The following PTCHD4 variants were observed in gnomAD, a reference collection of about 807,000 sequenced individuals.
PTCHD4 encodes patched domain containing 4.
In PTCHD4, 33 loss-of-function variants were observed where a neutral mutation model predicts 58.1. The observed-to-expected ratio is 0.57, with a 90% CI of 0.43 to 0.76. PTCHD4 has a LOEUF of 0.76. PTCHD4 is among the 30% of genes least tolerant of loss of function. The pLI, the probability that PTCHD4 is intolerant of heterozygous loss-of-function variation, is 0.00. For missense variants in PTCHD4, 1,058 were observed against 1,027.1 expected, an observed-to-expected ratio of 1.03 and a Z score of -0.41; for synonymous variants, 478 against 409.6, an observed-to-expected ratio of 1.17 and a Z score of -2.02.
At chr6:48,005,091 T>TA (rs1427615315) in intron 4 of PTCHD4, among the ~76,000 whole-genome samples, 3 of 152,150 alleles carry the variant, frequency 2.0e-5, no homozygotes, top group African/African-American at 7.2e-5. Flanking sequence ...GTCACTGGCT[T>TA]AAAAAATGTG....
intron 4 of PTCHD4, among the ~76,000 whole-genome samples, chr6:47,939,509 G>A (rs1455304240): frequency 3.9e-5 from 6 of 152,044 alleles, no homozygotes; most frequent in Non-Finnish European, 7.3e-5. Context: ...ATGAGGTGTT[G>A]TGGAAATCAT....
At chr6:48,097,312 G>A (rs1765494284) in intron 1 of PTCHD4, among the ~76,000 whole-genome samples, 1 of 152,102 alleles carries the variant, frequency 6.6e-6, no homozygotes, top group African/African-American at 2.4e-5. Context: ...GTATATGACA[G>A]ATATAATGCT....
chr6:47,895,209 A>C (rs1047897181), intron 4 of PTCHD4, among the ~76,000 whole-genome samples: 1 of 152,196 alleles, frequency 6.6e-6, no homozygotes, highest in African/African-American at 2.4e-5. Flanking sequence ...ATGATAAAAT[A>C]GCTAACTGGA....
At chr6:48,077,882 C>T (rs1314104755) in intron 1 of PTCHD4, among the ~76,000 whole-genome samples, 1 of 151,964 alleles carries the variant, frequency 6.6e-6, no homozygotes. Context: ...ACAATAGTAC[C>T]ATCAAAGACC....
intron 3 of PTCHD4, among the ~76,000 whole-genome samples, chr6:48,024,388 A>T (rs916640049): frequency 6.6e-6 from 1 of 152,156 alleles, no homozygotes; most frequent in Non-Finnish European, 1.5e-5. Flanking sequence ...TCCACTCTCA[A>T]CACGACCTAG....
Position 48,068,706 on chromosome 6 carries a change from G to A in PTCHD4, c.6-65C>T. ...CCCGTTCTCCCCCATCCCACCCCCT[G>A]GGGCCAGTCCCCCCTCCCCACCGCC... is the stretch of plus-strand genomic sequence containing the variant. On this transcript the variant is annotated intron_variant, in intron 2 of 4. Transcript: ENST00000339488. This position sits in a 1 kb window ranked among gnomAD's most constrained non-coding sequence, Gnocchi z 4.2. The A allele has an allele frequency of 1.5e-6, 2 of 1,374,056 alleles. No homozygotes were observed. Among genetic ancestry groups the A allele is most frequent in the Admixed American group, 5.4e-5 (2 of 37,352 alleles). 85.1% of individuals were successfully genotyped at this position (1,374,056 alleles called of 1,614,324 possible). A position where few individuals can be genotyped will look rare whatever the true frequency, so the allele number is the denominator to read the frequency against.
chr6:47,954,547 G>A (rs528314026), intron 4 of PTCHD4, among the ~76,000 whole-genome samples: 65 of 152,260 alleles, frequency 4.3e-4, no homozygotes, highest in Non-Finnish European at 7.4e-4. Flanking sequence ...AGTGATAGAT[G>A]GACATGAACA....
intron 4 of PTCHD4, among the ~76,000 whole-genome samples, chr6:47,994,438 C>G (rs1561995776): frequency 6.6e-6 from 1 of 152,136 alleles, no homozygotes; most frequent in Non-Finnish European, 1.5e-5. Flanking sequence ...AAGTCTTGAC[C>G]TTTTAATGAA....
At chr6:47,945,150 A>C (rs1285072912) in intron 4 of PTCHD4, among the ~76,000 whole-genome samples, 3 of 152,082 alleles carry the variant, frequency 2.0e-5, no homozygotes, top group African/African-American at 7.2e-5. Flanking sequence ...TTTTACTATA[A>C]TCATTAGGTA....
chr6:48,007,619 T>G (rs1441765996), intron 4 of PTCHD4, among the ~76,000 whole-genome samples: 1 of 152,218 alleles, frequency 6.6e-6, no homozygotes, highest in Non-Finnish European at 1.5e-5. Context: ...AATTGTCTGT[T>G]TTCCTCATAG....
At chr6:47,967,550 G>C (rs1402028078) in intron 4 of PTCHD4, among the ~76,000 whole-genome samples, 2 of 152,188 alleles carry the variant, frequency 1.3e-5, no homozygotes, top group Admixed American at 6.5e-5. Context: ...AGCTATGAAA[G>C]TCCTAGATGG....
chr6:47,907,150 GT>G, intron 4 of PTCHD4, among the ~76,000 whole-genome samples: 1 of 152,270 alleles, frequency 6.6e-6, no homozygotes. Flanking sequence ...GTGGGAAGGG[GT>G]TTTGGAAATG....
chr6:47,982,680 G>A (rs1767929064), intron 4 of PTCHD4, among the ~76,000 whole-genome samples: 1 of 151,904 alleles, frequency 6.6e-6, no homozygotes, highest in African/African-American at 2.4e-5. Flanking sequence ...GTAGAGACGG[G>A]GTTTCACCGT....
chr6:48,108,986 A>T (rs975181341), intron 1 of PTCHD4, among the ~76,000 whole-genome samples: 1 of 152,164 alleles, frequency 6.6e-6, no homozygotes, highest in African/African-American at 2.4e-5. Flanking sequence ...AGATAACATT[A>T]TGTGCAAATT....
intron 1 of PTCHD4, among the ~76,000 whole-genome samples, chr6:48,091,193 T>C (rs908863216): frequency 6.6e-6 from 1 of 152,090 alleles, no homozygotes; most frequent in African/African-American, 2.4e-5. Context: ...CCTTTTAAAT[T>C]TTTTATGGCT....
At position 47,896,741 on chromosome 6, in the gene PTCHD4, A is replaced by G. The variant is rs1764540114; in HGVS notation, c.899-16805T>C. 2.0e-5 allele frequency among the ~76,000 whole-genome samples: 3 copies of G among 152,288 alleles called. No individual in the cohort carries two copies. In the South Asian group the frequency reaches 6.2e-4, roughly 32 times the overall value. ...TGTACACAAAGGGACCATGGAGAAC[A>G]CCGCTGTATCTGAATCCCATTAACT... On this transcript the variant is annotated intron_variant, in intron 4 of 4. Coordinates refer to ENST00000339488, the MANE Select transcript of PTCHD4 (RefSeq NM_001384253.1).
intron 4 of PTCHD4, among the ~76,000 whole-genome samples, chr6:47,966,182 T>C (rs1024827031): frequency 2.6e-5 from 4 of 152,176 alleles, no homozygotes; most frequent in African/African-American, 9.6e-5. Context: ...AGGCATACTT[T>C]GATTATATAG....
chr6:47,996,050 G>C (rs954988284), intron 4 of PTCHD4, among the ~76,000 whole-genome samples: 1 of 152,032 alleles, frequency 6.6e-6, no homozygotes, highest in African/African-American at 2.4e-5. Context: ...ATGTCACAGG[G>C]GTTTGTTGTA....
chr6:48,000,409 T>C (rs1346577079), intron 4 of PTCHD4, among the ~76,000 whole-genome samples: 1 of 152,188 alleles, frequency 6.6e-6, no homozygotes, highest in African/African-American at 2.4e-5. Flanking sequence ...CCCAGCTATA[T>C]GTGCCTAGGG....
Sources: gnomAD v4.1 joint callset for allele counts (sites outside exome capture counted in the v4.1 genomes callset) on GRCh38, gnomAD v4.1.1 for gene constraint, Gnocchi (gnomAD v3.1) non-coding constraint, MANE v1.5 for transcripts, NCBI Gene and HGNC (gene_info 2026-07-23, HGNC 2026-07-21) for gene names.